Variants in CTNND2 observed in about 807,000 individuals in gnomAD.
The protein encoded by CTNND2 is catenin delta-2.
In CTNND2, 22 loss-of-function variants were observed where a neutral mutation model predicts 144.4. The ratio of observed to expected loss-of-function variants is 0.15; its 90% CI spans 0.11 to 0.22. The LOEUF is 0.22. Among genes scored for constraint, CTNND2 ranks in the 10% least tolerant of loss-of-function variants. The probability of loss-of-function intolerance (pLI) is 1.00; values close to 1 mark genes in which losing one functional copy is unlikely to be tolerated. For missense variants in CTNND2, 1,353 were observed against 1,618.8 expected (o/e 0.84, Z 2.82); for synonymous variants, 751 against 695.6 (o/e 1.08, Z -1.25).
At chr5:11,847,308 T>A (rs536858553) in intron 1 of CTNND2, among the ~76,000 whole-genome samples, 2 of 151,722 alleles carry the variant, frequency 1.3e-5, no homozygotes, top group African/African-American at 4.8e-5. Flanking sequence ...TATTCGGCCA[T>A]AAAACTGAAT....
At chr5:11,667,759 CTTTAG>C (rs1255464191) in intron 2 of CTNND2, among the ~76,000 whole-genome samples, 2 of 152,116 alleles carry the variant, frequency 1.3e-5, no homozygotes, top group Non-Finnish European at 2.9e-5. Context: ...TGTGGAGGCT[CTTTAG>C]TTTAATTAGA....
chr5:11,750,768 T>A (rs1455398102), intron 1 of CTNND2, among the ~76,000 whole-genome samples: 2 of 151,742 alleles, frequency 1.3e-5, no homozygotes, highest in East Asian at 1.9e-4. Flanking sequence ...GACTAGACAT[T>A]AGCTAGTCTA....
At chr5:11,818,648 G>A (rs151252322) in intron 1 of CTNND2, among the ~76,000 whole-genome samples, 55 of 152,142 alleles carry the variant, frequency 3.6e-4, no homozygotes, top group African/African-American at 1.2e-3. Context: ...GATTACAGGC[G>A]TTAGCCACCG....
intron 16 of CTNND2, among the ~76,000 whole-genome samples, chr5:11,037,823 A>T (rs1744251882): frequency 6.6e-6 from 1 of 152,212 alleles, no homozygotes; most frequent in Admixed American, 6.5e-5. Context: ...ATGATAATAA[A>T]TTATCAGGAA....
At chr5:10,985,114 A>G (rs185242245) in intron 20 of CTNND2, among the ~76,000 whole-genome samples, 58 of 151,878 alleles carry the variant, frequency 3.8e-4, no homozygotes, top group Middle Eastern at 3.4e-3. Context: ...AAATAAATAC[A>G]TAAATAAATG....
chr5:11,742,851 T>A (rs1581808282), intron 1 of CTNND2, among the ~76,000 whole-genome samples: 1 of 152,196 alleles, frequency 6.6e-6, no homozygotes, highest in South Asian at 2.1e-4. Flanking sequence ...AATGTGTGGA[T>A]TAGTACAAAT....
chr5:11,236,549 T>C (rs1741655122), intron 10 of CTNND2, 142 bp downstream of exon 10: 6 of 912,622 alleles, frequency 6.6e-6, no homozygotes, highest in Non-Finnish European at 1.0e-5. Context: ...AGATGAAACA[T>C]GCTATGTTCT....
At chr5:11,081,625 C>G (rs1211352922) in intron 16 of CTNND2, among the ~76,000 whole-genome samples, 1 of 152,206 alleles carries the variant, frequency 6.6e-6, no homozygotes, top group African/African-American at 2.4e-5. Flanking sequence ...GACCCTCAAC[C>G]TGTATATCAT....
Position 11,082,696 on chromosome 5 carries a change from C to T in CTNND2, c.2788G>A (p.Gly930Ser), listed in dbSNP as rs866905457. The change falls in exon 16 of 22, where the codon GGC (glycine) becomes AGC (serine). Residue 930 changes from glycine to serine, a missense_variant and splice_region_variant. This residue lies in a region of CTNND2 where 459 missense variants were observed against 674.3 expected (regional missense o/e 0.68). Coordinates refer to ENST00000304623, the MANE Select transcript of CTNND2 (RefSeq NM_001332.4). The part of the protein sequence containing the change: ...ALDVRNKELI[G>S]KYAMRDLVHR... ...ACACTGTGAATCAGGGAGAACATAC[C>T]GATGAGCTCCTTATTTCTGACGTCC... The T allele has an allele frequency of 3.1e-6, 5 of 1,613,858 alleles. No homozygotes were observed. Among genetic ancestry groups the T allele is most frequent in the Non-Finnish European group, 4.2e-6 (5 of 1,179,880 alleles).
chr5:11,105,095 C>T (rs572495768), intron 14 of CTNND2, among the ~76,000 whole-genome samples: 1 of 152,308 alleles, frequency 6.6e-6, no homozygotes, highest in African/African-American at 2.4e-5. Context: ...CCTGCCTGTC[C>T]CTTCCCAAAG....
chr5:11,163,201 T>C (rs961372778), intron 11 of CTNND2, among the ~76,000 whole-genome samples: 13 of 152,190 alleles, frequency 8.5e-5, no homozygotes, highest in African/African-American at 3.1e-4. Context: ...TGAGACTATG[T>C]CATTAAAAAG....
intron 3 of CTNND2, among the ~76,000 whole-genome samples, chr5:11,477,126 T>C (rs547960353): frequency 6.6e-6 from 1 of 152,324 alleles, no homozygotes; most frequent in Admixed American, 6.5e-5. Flanking sequence ...TTCCATTGCT[T>C]TACGGGCAGG....
intron 2 of CTNND2, among the ~76,000 whole-genome samples, chr5:11,726,279 C>G (rs1787013289): frequency 6.6e-6 from 1 of 151,968 alleles, no homozygotes; most frequent in Non-Finnish European, 1.5e-5. Flanking sequence ...ATCACATACT[C>G]ATTAGAAACA....
rs1205061910 is a variant in CTNND2, at chr5:11,566,368, T to A, written c.175-1312A>T. Among the ~76,000 whole-genome samples, 11 of 152,318 alleles carry A rather than the reference T, an allele frequency of 7.2e-5. No homozygotes were observed. In the East Asian group the frequency reaches 1.9e-3, roughly 27 times the overall value. Reference sequence around the variant, plus strand: ...AGAAATTAACAAGATCTCGGCTGAATGTATTTTATGCATCTAACTTCTTCT... The same window carrying A: ...AGAAATTAACAAGATCTCGGCTGAAAGTATTTTATGCATCTAACTTCTTCT... On this transcript the variant is annotated intron_variant, in intron 2 of 21. Transcript: ENST00000304623.
intron 2 of CTNND2, among the ~76,000 whole-genome samples, chr5:11,600,208 T>C (rs1029376301): frequency 6.6e-6 from 1 of 152,202 alleles, no homozygotes; most frequent in African/African-American, 2.4e-5. Flanking sequence ...ATACAGCAAG[T>C]GTGTGGACAC....
intron 9 of CTNND2, among the ~76,000 whole-genome samples, chr5:11,266,586 C>T (rs1036106250): frequency 6.6e-5 from 10 of 152,158 alleles, no homozygotes; most frequent in South Asian, 2.1e-4. Flanking sequence ...CTTGGGAGAG[C>T]GGCATCTCTA....
chr5:11,641,102 G>A lies in CTNND2; in HGVS notation c.175-76046C>T, dbSNP rs549413613. Among the ~76,000 whole-genome samples the A allele has an allele frequency of 1.6e-4, 24 of 152,212 alleles. No homozygotes were observed. The South Asian group carries it at 4.4e-3, about 28-fold the overall frequency. ...AAAGATAGCCATGCGTGTATTCAAG[G>A]TCGTTCTGAGCACAGGATTTTAAAA... is the stretch of plus-strand genomic sequence containing the variant. On this transcript the variant is annotated intron_variant, in intron 2 of 21. Coordinates refer to ENST00000304623, the MANE Select transcript of CTNND2 (RefSeq NM_001332.4).
intron 1 of CTNND2, among the ~76,000 whole-genome samples, chr5:11,764,871 T>A (rs1397202405): frequency 6.6e-6 from 1 of 151,798 alleles, no homozygotes; most frequent in East Asian, 1.9e-4. Context: ...GCAGACCCAA[T>A]GCACATGAAT....
At chr5:11,810,885 C>A (rs974234898) in intron 1 of CTNND2, among the ~76,000 whole-genome samples, 1 of 152,110 alleles carries the variant, frequency 6.6e-6, no homozygotes, top group Non-Finnish European at 1.5e-5. Context: ...AAAAGACAGA[C>A]TTTATGACAT....
Sources: allele counts gnomAD v4.1 joint callset (sites outside exome capture counted in the v4.1 genomes callset), GRCh38; gene constraint gnomAD v4.1.1; regional missense constraint gnomAD v4.1.1; transcripts MANE v1.5; gene names NCBI Gene and HGNC (gene_info 2026-07-23, HGNC 2026-07-21).